Variants in HPCAL1 observed in about 807,000 individuals in gnomAD.
HPCAL1 encodes the protein hippocalcin-like protein 1.
Under a neutral mutation model 17.1 loss-of-function variants are expected in HPCAL1, and 8 were observed. The ratio of observed to expected loss-of-function variants is 0.47; its 90% CI spans 0.27 to 0.84. The LOEUF is 0.84. Ranked by LOEUF, HPCAL1 falls within the 40% of genes least tolerant of loss-of-function variation. The pLI, the probability that HPCAL1 is intolerant of heterozygous loss-of-function variation, is 0.13. For synonymous variants in HPCAL1, 112 were observed against 111.4 expected, an observed-to-expected ratio of 1.01 and a Z score of -0.03; for missense variants, 165 against 271.1, an observed-to-expected ratio of 0.61 and a Z score of 2.75.
At chr2:10,408,447 A>C (rs1670110558) in intron 2 of HPCAL1, 1 of 152,260 alleles carries the variant, frequency 6.6e-6, no homozygotes, top group Non-Finnish European at 1.5e-5. Context: ...GCTTTCAGGA[A>C]GGCCTCCAGA....
intron 2 of HPCAL1, among the ~76,000 whole-genome samples, chr2:10,397,893 C>G (rs909596389): frequency 6.6e-6 from 1 of 152,216 alleles, no homozygotes; most frequent in African/African-American, 2.4e-5. Context: ...GGCTGTGCCT[C>G]TTCACAGCCC....
At chr2:10,392,946 A>G (rs1422797126) in intron 1 of HPCAL1, among the ~76,000 whole-genome samples, 1 of 152,192 alleles carries the variant, frequency 6.6e-6, no homozygotes, top group Non-Finnish European at 1.5e-5. Context: ...TGGGGCTTTC[A>G]TCTTCTAACC....
intron 1 of HPCAL1, among the ~76,000 whole-genome samples, chr2:10,337,107 C>T (rs60847785): frequency 0.08 from 12,238 of 152,028 alleles, 1,128 homozygotes; most frequent in African/African-American, 0.23. Flanking sequence ...CTATGTGGTG[C>T]GTGTCAGTTC....
At chr2:10,374,360 T>C (rs900669400) in intron 1 of HPCAL1, among the ~76,000 whole-genome samples, 2 of 151,690 alleles carry the variant, frequency 1.3e-5, no homozygotes, top group Non-Finnish European at 2.9e-5. Flanking sequence ...CACACAGTGG[T>C]GTGCAGCCTT....
chr2:10,408,913 A>C (rs920899467), intron 2 of HPCAL1, among the ~76,000 whole-genome samples: 2 of 152,208 alleles, frequency 1.3e-5, no homozygotes, highest in African/African-American at 2.4e-5. Flanking sequence ...ACGGGAAATA[A>C]AGTGGGAGAC....
chr2:10,399,727 C>T (rs1031386075), intron 2 of HPCAL1, among the ~76,000 whole-genome samples: 2 of 152,132 alleles, frequency 1.3e-5, no homozygotes, highest in African/African-American at 4.8e-5. Flanking sequence ...GCCCCTGGCC[C>T]TTGGTCATGT....
At chr2:10,347,607 T>C (rs891318112) in intron 1 of HPCAL1, among the ~76,000 whole-genome samples, 2 of 152,132 alleles carry the variant, frequency 1.3e-5, no homozygotes, top group African/African-American at 4.8e-5. Flanking sequence ...TGCTTTTCCT[T>C]CAGGCCCCGC....
At chr2:10,396,413 T>G (rs1225683516) in intron 1 of HPCAL1, among the ~76,000 whole-genome samples, 2 of 152,170 alleles carry the variant, frequency 1.3e-5, no homozygotes, top group Admixed American at 1.3e-4. Context: ...GTAACAGCCC[T>G]GGGTGCAGAG....
At chr2:10,375,910 C>T (rs1199547468) in intron 1 of HPCAL1, among the ~76,000 whole-genome samples, 1 of 152,192 alleles carries the variant, frequency 6.6e-6, no homozygotes, top group Non-Finnish European at 1.5e-5. Context: ...GGTTTGGATG[C>T]GTGTCCCCTC....
rs867853082 is a variant in HPCAL1, at chr2:10,411,811, G to A, written c.-24-7923G>A. ...AGTCCCCTGCTCGGAGGCTGATCCC[G>A]GCTGGCTGCCCGCTTGCTCAGGGCA... On this transcript the variant is annotated intron_variant, in intron 2 of 4. Transcript: ENST00000307845. Among the ~76,000 whole-genome samples, 12 of 152,320 alleles carry A rather than the reference G, an allele frequency of 7.9e-5. No homozygotes were observed. The South Asian group carries it at 1.0e-3, about 13-fold the overall frequency.
At chr2:10,334,308 C>A (rs1045174457) in intron 1 of HPCAL1, among the ~76,000 whole-genome samples, 7 of 150,154 alleles carry the variant, frequency 4.7e-5, no homozygotes, top group Non-Finnish European at 8.9e-5. Context: ...CATAGCAAGA[C>A]CCTGTTTTGT....
intron 2 of HPCAL1, among the ~76,000 whole-genome samples, chr2:10,399,581 C>T (rs1385701544): frequency 6.9e-6 from 1 of 144,802 alleles, no homozygotes; most frequent in African/African-American, 2.7e-5. Flanking sequence ...CCACCACCGC[C>T]ACCGCCACCG....
chr2:10,374,563 C>T lies in HPCAL1; in HGVS notation c.-110-22272C>T, dbSNP rs150877662. Among the ~76,000 whole-genome samples the T allele has an allele frequency of 1.6e-4, 24 of 152,330 alleles. No individual in the cohort carries two copies. In the East Asian group the frequency reaches 2.5e-3, roughly 16 times the overall value. The stretch of plus-strand genomic sequence containing the variant: ...AGGCATCCTGTCTGCAGGGCCCATG[C>T]GGGGGACAGGGCAAGAGGTGCGGTG... On this transcript the variant is annotated intron_variant, in intron 1 of 4. Transcript: ENST00000307845.
intron 1 of HPCAL1, among the ~76,000 whole-genome samples, chr2:10,321,002 A>T (rs1355845712): frequency 6.6e-6 from 1 of 152,082 alleles, no homozygotes; most frequent in Non-Finnish European, 1.5e-5. Flanking sequence ...AGGCCGTTCC[A>T]CATTGTTATA....
In HPCAL1 at chr2:10,338,333, T is replaced by C. The variant is rs1369721315; in HGVS notation, c.-111+35156T>C. 7.2e-5 allele frequency among the ~76,000 whole-genome samples: 11 copies of C among 152,030 alleles called. No individual in the cohort carries two copies. In the East Asian group the frequency reaches 1.7e-3, roughly 24 times the overall value. ...ACCCCTTAAAAACACACAAAGCAAA[T>C]TGACAAATTATTGGGAGGCAACATA... On this transcript the variant is annotated intron_variant, in intron 1 of 4. Coordinates refer to ENST00000307845, the MANE Select transcript of HPCAL1 (RefSeq NM_002149.4).
At chr2:10,322,217 C>T (rs1233259860) in intron 1 of HPCAL1, among the ~76,000 whole-genome samples, 2 of 152,054 alleles carry the variant, frequency 1.3e-5, no homozygotes, top group Non-Finnish European at 2.9e-5. Flanking sequence ...GAGATGAGTT[C>T]TCACTAGATT....
At chr2:10,382,175 C>G (rs1332520230) in intron 1 of HPCAL1, among the ~76,000 whole-genome samples, 1 of 152,122 alleles carries the variant, frequency 6.6e-6, no homozygotes, top group Non-Finnish European at 1.5e-5. Context: ...GTGAGAGAAG[C>G]CAATCTGAAA....
chr2:10,392,209 GTTTA>G (rs1399675915), intron 1 of HPCAL1, among the ~76,000 whole-genome samples: 1 of 151,216 alleles, frequency 6.6e-6, no homozygotes, highest in African/African-American at 2.4e-5. Context: ...TGCCTAGCTT[GTTTA>G]TTTATTTAGT....
intron 2 of HPCAL1, among the ~76,000 whole-genome samples, chr2:10,406,628 G>T (rs1669986937): frequency 1.3e-5 from 2 of 152,202 alleles, no homozygotes; most frequent in South Asian, 4.1e-4. Context: ...GAAGTCCCAG[G>T]CTCTGTGGCC....
Sources: gnomAD v4.1 joint callset for allele counts (sites outside exome capture counted in the v4.1 genomes callset) on GRCh38, gnomAD v4.1.1 for gene constraint, MANE v1.5 for transcripts, NCBI Gene and HGNC (gene_info 2026-07-23, HGNC 2026-07-21) for gene names.